Variants in GPR149 observed in about 807,000 individuals in gnomAD.
The protein encoded by GPR149 is probable G protein-coupled receptor 149.
A neutral mutation model predicts 50.2 loss-of-function variants in GPR149; 50 were observed. The observed-to-expected ratio is 1.00, with a 90% CI of 0.79 to 1.26. The LOEUF is 1.26. Ranked by LOEUF, GPR149 falls within the 50% of genes most tolerant of loss-of-function variation. The pLI is 0.00. For missense variants in GPR149, 983 were observed against 895.4 expected (o/e 1.10, Z -1.25); for synonymous variants, 405 against 358.2 (o/e 1.13, Z -1.48).
Position 154,422,203 on chromosome 3 carries a change from A to G in GPR149, c.1175-716T>C, listed in dbSNP as rs1009523809. Among the ~76,000 whole-genome samples, 14 of 151,810 alleles carry G rather than the reference A, an allele frequency of 9.2e-5. No homozygotes were observed. In the East Asian group the frequency reaches 1.4e-3, roughly 15 times the overall value. On this transcript the variant is annotated intron_variant, in intron 2 of 3. Transcript: ENST00000389740. ...GAAGAGTTTAGCAGGAATGCATAAA[A>G]CTTTTTATGATTTAAATCAGGTGAA...
At position 154,429,668 on chromosome 3, in the gene GPR149, A is replaced by C; in HGVS notation, c.-53T>G. ...TATCAATGAGTCTGATAATTTTCTC[A>C]AAAGAAAGACCGGCTGCTGCAAATC... On this transcript the variant is annotated 5_prime_UTR_variant, in exon 1 of 4. Coordinates refer to ENST00000389740, the MANE Select transcript of GPR149 (RefSeq NM_001038705.3). 1.3e-5 allele frequency: 20 copies of C among 1,485,174 alleles called. No homozygotes were observed. The highest frequency in any genetic ancestry group is 1.7e-5 in the Non-Finnish European group (19 of 1,087,508). The allele number at this position is 1,485,174 out of a possible 1,614,324, so 92.0% of individuals were successfully genotyped here.
chr3:154,383,803 G>A (rs1559981037), intron 3 of GPR149, among the ~76,000 whole-genome samples: 1 of 151,940 alleles, frequency 6.6e-6, no homozygotes, highest in South Asian at 2.1e-4. Context: ...AGGTCATGAG[G>A]GTAGAGCCCT....
chr3:154,369,943 C>G (rs1714624766), intron 3 of GPR149, among the ~76,000 whole-genome samples: 1 of 152,202 alleles, frequency 6.6e-6, no homozygotes, highest in Non-Finnish European at 1.5e-5. Context: ...CACAGGGCAA[C>G]AGGCAGCCCC....
In GPR149 at chr3:154,429,812, T is replaced by G; in HGVS notation, c.-197A>C. On this transcript the variant is annotated 5_prime_UTR_variant, in exon 1 of 4. An upstream start codon of the reference 5' UTR is lost. Coordinates refer to ENST00000389740, the MANE Select transcript of GPR149 (RefSeq NM_001038705.3). ...AGCTATATTTAAAAATTAGGTTCCATTTCAAGCATAAAAAAAAAAAAACCC... is the reference window on the plus strand; with the variant it reads ...AGCTATATTTAAAAATTAGGTTCCAGTTCAAGCATAAAAAAAAAAAAACCC... 2.4e-6 allele frequency: 1 copy of G among 411,832 alleles called. No homozygotes were observed. The highest frequency in any genetic ancestry group is 4.1e-6 in the Non-Finnish European group (1 of 241,684). The allele number at this position is 411,832 out of a possible 1,614,324, so 25.5% of individuals were successfully genotyped here.
intron 3 of GPR149, chr3:154,354,876 C>T (rs2108391565): frequency 4.5e-6 from 1 of 223,400 alleles, no homozygotes; most frequent in East Asian, 1.1e-4. Context: ...GAAGCTGGGC[C>T]TAATGCTTTA....
rs1014391638 is a variant in GPR149, at chr3:154,335,971, T to C, written c.*1728A>G. The C allele has an allele frequency of 6.6e-6, 1 of 152,134 alleles. No individual in the cohort carries two copies. The highest frequency in any genetic ancestry group is 2.4e-5 in the African/African-American group (1 of 41,460). The allele number at this position is 152,134 out of a possible 1,614,324, so 9.4% of individuals were successfully genotyped here. On this transcript the variant is annotated 3_prime_UTR_variant, in exon 4 of 4. Transcript: ENST00000389740. ...AATATTCAATTCAATTTTTCTTTTA[T>C]AAAGACATTTAATGCTACTGATTTA...
intron 3 of GPR149, among the ~76,000 whole-genome samples, chr3:154,383,744 TC>T (rs1714983754): frequency 6.6e-6 from 1 of 152,052 alleles, no homozygotes; most frequent in Non-Finnish European, 1.5e-5. Context: ...TGTATGTTGA[TC>T]TTTAATCCCC....
intron 3 of GPR149, among the ~76,000 whole-genome samples, chr3:154,384,316 A>G (rs1715001464): frequency 1.3e-5 from 2 of 152,202 alleles, no homozygotes; most frequent in South Asian, 4.1e-4. Flanking sequence ...CTCAAGCATA[A>G]AAAGAATTAT....
At chr3:154,353,345 T>C (rs1024024007) in intron 3 of GPR149, 14 of 1,425,564 alleles carry the variant, frequency 9.8e-6, no homozygotes, top group African/African-American at 8.4e-5. Flanking sequence ...ATACCCACTG[T>C]GGGCAAGTTG....
intron 3 of GPR149, among the ~76,000 whole-genome samples, chr3:154,411,048 A>G (rs966244880): frequency 1.5e-4 from 23 of 152,136 alleles, no homozygotes; most frequent in Non-Finnish European, 1.5e-5. Flanking sequence ...AAGCCTAAAA[A>G]CCATGCAAAT....
chr3:154,421,757 A>G (rs1054812704), intron 2 of GPR149, among the ~76,000 whole-genome samples: 5 of 151,912 alleles, frequency 3.3e-5, no homozygotes, highest in African/African-American at 2.4e-5. Context: ...GAAGCCTTAC[A>G]TAACAAAAAC....
intron 3 of GPR149, among the ~76,000 whole-genome samples, chr3:154,367,189 T>C (rs1714550420): frequency 1.3e-5 from 2 of 152,190 alleles, no homozygotes; most frequent in African/African-American, 4.8e-5. Flanking sequence ...TCAGGACTTA[T>C]TTTGGTCTTG....
rs1244300147 is a variant in GPR149, at chr3:154,340,173, A to T, written c.1624-1902T>A. On this transcript the variant is annotated intron_variant, in intron 3 of 3. Coordinates refer to ENST00000389740, the MANE Select transcript of GPR149 (RefSeq NM_001038705.3). ...GACATATGATCATTCTTTCCTGGTT[A>T]TTCTCTGTGGAGTGGTCTTGAATTC... Among the ~76,000 whole-genome samples, 6 of 152,148 alleles carry T rather than the reference A, an allele frequency of 3.9e-5. No individual in the cohort carries two copies. In the East Asian group the frequency reaches 1.2e-3, roughly 29 times the overall value.
intron 3 of GPR149, among the ~76,000 whole-genome samples, chr3:154,378,410 A>ATTCTCT (rs1409072156): frequency 1.8e-4 from 27 of 152,104 alleles, no homozygotes; most frequent in African/African-American, 6.3e-4. Context: ...ACACATTTTT[A>ATTCTCT]ATCCATTCTC....
rs138153285 is a variant in GPR149, at chr3:154,415,501, A to G, written c.1623+5538T>C. On this transcript the variant is annotated intron_variant, in intron 3 of 3. Transcript: ENST00000389740. Reference sequence around the variant, plus strand: ...ATTTTCAGCCACACTTCAAATAGCCACTCTAAACTATACCAGATAATGACA... The same window carrying G: ...ATTTTCAGCCACACTTCAAATAGCCGCTCTAAACTATACCAGATAATGACA... Among the ~76,000 whole-genome samples the G allele has an allele frequency of 3.3e-3, 506 of 152,084 alleles. 2 individuals are homozygous for G. The highest frequency in any genetic ancestry group is 0.012 in the African/African-American group (483 of 41,536).
chr3:154,376,408 T>C (rs1307243034), intron 3 of GPR149, among the ~76,000 whole-genome samples: 3 of 152,184 alleles, frequency 2.0e-5, no homozygotes, highest in African/African-American at 4.8e-5. Context: ...TATAAGTCAA[T>C]TTTCCCTGTT....
At chr3:154,343,258 G>GA (rs1713846426) in intron 3 of GPR149, among the ~76,000 whole-genome samples, 1 of 152,168 alleles carries the variant, frequency 6.6e-6, no homozygotes, top group South Asian at 2.1e-4. Context: ...GACAGTCATA[G>GA]AAAAAGGTTT....
rs1714100787 is a variant in GPR149 at position 154,352,349 on chromosome 3, A to C, written c.1624-14078T>G. On this transcript the variant is annotated intron_variant, in intron 3 of 3. Transcript: ENST00000389740. Reference sequence around the variant, plus strand: ...GATTAGAAGACTTGTTTCCATCATAATATTCTTCAATTTCAGGTAATTTGG... The same window carrying C: ...GATTAGAAGACTTGTTTCCATCATACTATTCTTCAATTTCAGGTAATTTGG... 6 of 1,119,570 alleles carry C rather than the reference A, an allele frequency of 5.4e-6. No individual in the cohort carries two copies. In the East Asian group the frequency reaches 1.4e-4, roughly 27 times the overall value. 69.4% of individuals were successfully genotyped at this position (1,119,570 alleles called of 1,614,324 possible). A position where few individuals can be genotyped will look rare whatever the true frequency, so the allele number is the denominator to read the frequency against.
At chr3:154,402,506 A>T (rs80189137) in intron 3 of GPR149, among the ~76,000 whole-genome samples, 8 of 151,110 alleles carry the variant, frequency 5.3e-5, no homozygotes, top group Admixed American at 4.6e-4. Context: ...ATCAATTCCT[A>T]GAAAGTTTCA....
Sources: gnomAD v4.1 joint callset for allele counts (sites outside exome capture counted in the v4.1 genomes callset) on GRCh38, gnomAD v4.1.1 for gene constraint, MANE v1.5 for transcripts, NCBI Gene and HGNC (gene_info 2026-07-23, HGNC 2026-07-21) for gene names.